The following NAV2 variants were observed in gnomAD, a reference collection of about 807,000 sequenced individuals.
NAV2 encodes the protein neuron navigator 2.
A neutral mutation model predicts 223.2 loss-of-function variants in NAV2; 54 were observed. The ratio of observed to expected loss-of-function variants is 0.24; its 90% CI spans 0.19 to 0.30. The LOEUF is 0.30. Among genes scored for constraint, NAV2 ranks in the 10% least tolerant of loss-of-function variants. The probability of loss-of-function intolerance (pLI) is 1.00; values close to 1 mark genes in which losing one functional copy is unlikely to be tolerated. For missense variants in NAV2, 2,806 were observed against 3,147.5 expected (o/e 0.89, Z 2.60); for synonymous variants, 1,279 against 1,239.3 (o/e 1.03, Z -0.67).
intron 18 of NAV2, 120 bp downstream of exon 18, chr11:20,054,360 GTA>G: frequency 1.0e-6 from 1 of 976,710 alleles, no homozygotes; most frequent in Non-Finnish European, 1.4e-6. Flanking sequence ...GGTTACATGG[GTA>G]AGTTCTTTAG....
At chr11:19,473,808 G>A (rs2042035729) in intron 1 of NAV2, among the ~76,000 whole-genome samples, 1 of 152,166 alleles carries the variant, frequency 6.6e-6, no homozygotes, top group South Asian at 2.1e-4. Context: ...TTATTCCTCA[G>A]AGCCACAAAG....
At chr11:19,582,942 C>A (rs1195342693) in intron 1 of NAV2, among the ~76,000 whole-genome samples, 1 of 152,188 alleles carries the variant, frequency 6.6e-6, no homozygotes, top group East Asian at 1.9e-4. Flanking sequence ...ATGGAGATGG[C>A]ATTGAATCTA....
intron 24 of NAV2, among the ~76,000 whole-genome samples, chr11:20,079,840 T>C (rs956612341): frequency 6.6e-6 from 1 of 152,158 alleles, no homozygotes; most frequent in African/African-American, 2.4e-5. Flanking sequence ...TTGACTTCTG[T>C]TTTGTAAAGT....
chr11:19,879,919 T>A lies in NAV2; in HGVS notation c.562T>A (p.Ser188Thr). The change falls in exon 5 of 38, where the codon TCC (serine) becomes ACC (threonine). Residue 188 changes from serine to threonine, a missense_variant. Ser to Thr is a moderately conservative substitution (Grantham distance 58, BLOSUM62 1). Transcript: ENST00000349880. The part of the protein sequence containing the change: ...KAILGLFFSL[S>T]RYKQQQQQPQ... ...CATTCTAGGCCTCTTCTTCAGCCTCTCCCGATACAAGCAGCAGCAGCAGCA... is the reference window on the plus strand; with the variant it reads ...CATTCTAGGCCTCTTCTTCAGCCTCACCCGATACAAGCAGCAGCAGCAGCA... The A allele has an allele frequency of 6.2e-7, 1 of 1,613,644 alleles. No individual in the cohort carries two copies. Among genetic ancestry groups the A allele is most frequent in the East Asian group, 2.2e-5 (1 of 44,846 alleles).
At chr11:19,406,603 C>G (rs557413976) in intron 1 of NAV2, among the ~76,000 whole-genome samples, 1 of 152,032 alleles carries the variant, frequency 6.6e-6, no homozygotes, top group Non-Finnish European at 1.5e-5. Context: ...GAGATGGGCT[C>G]ATGTCCCCGG....
At chr11:19,548,856 T>C (rs1231932478) in intron 1 of NAV2, among the ~76,000 whole-genome samples, 1 of 128,398 alleles carries the variant, frequency 7.8e-6, no homozygotes, top group African/African-American at 3.1e-5. Flanking sequence ...CCAGCCTGGG[T>C]GACACATCAG....
At chr11:20,077,511 C>T (rs1200859555) in intron 22 of NAV2, 41 bp from the exon 23 acceptor site, 2 of 1,505,180 alleles carry the variant, frequency 1.3e-6, no homozygotes, top group South Asian at 1.1e-5. Flanking sequence ...GCACTCTTGC[C>T]TTGCAAGGTA....
intron 10 of NAV2, among the ~76,000 whole-genome samples, chr11:19,952,118 A>G (rs2047446406): frequency 6.6e-6 from 1 of 152,222 alleles, no homozygotes; most frequent in Non-Finnish European, 1.5e-5. Flanking sequence ...CAAGACACTT[A>G]ATGTCTTTTC....
chr11:19,605,846 T>C (rs2046463052), intron 1 of NAV2, among the ~76,000 whole-genome samples: 1 of 152,186 alleles, frequency 6.6e-6, no homozygotes. Flanking sequence ...GATTTGGGCG[T>C]GGGTTGTGTT....
At chr11:19,725,336 A>G (rs929812679) in intron 1 of NAV2, among the ~76,000 whole-genome samples, 5 of 152,286 alleles carry the variant, frequency 3.3e-5, no homozygotes, top group Non-Finnish European at 5.9e-5. Flanking sequence ...GCTGCCGCCC[A>G]CTAAACCCAA....
intron 12 of NAV2, among the ~76,000 whole-genome samples, chr11:20,037,441 C>T (rs2056499602): frequency 6.6e-6 from 1 of 150,710 alleles, no homozygotes. Context: ...CGTTTAATGC[C>T]TGATGAAATA....
At chr11:20,081,530 C>T (rs1285701384) in intron 25 of NAV2, among the ~76,000 whole-genome samples, 1 of 152,192 alleles carries the variant, frequency 6.6e-6, no homozygotes, top group Non-Finnish European at 1.5e-5. Flanking sequence ...TTTGTAATCT[C>T]CTCTTCCACC....
At chr11:19,625,244 G>A (rs1348613080) in intron 1 of NAV2, among the ~76,000 whole-genome samples, 1 of 152,060 alleles carries the variant, frequency 6.6e-6, no homozygotes, top group African/African-American at 2.4e-5. Flanking sequence ...TTAGTCTCTA[G>A]TATCCTCTGT....
At chr11:19,426,377 A>T (rs1850828400) in intron 1 of NAV2, among the ~76,000 whole-genome samples, 2 of 152,206 alleles carry the variant, frequency 1.3e-5, no homozygotes, top group Non-Finnish European at 2.9e-5. Flanking sequence ...CTCTTCTCTG[A>T]AAATTTCTGC....
chr11:19,976,441 A>G (rs2049758684), intron 10 of NAV2, among the ~76,000 whole-genome samples: 1 of 152,164 alleles, frequency 6.6e-6, no homozygotes, highest in Non-Finnish European at 1.5e-5. Flanking sequence ...AAAGTCTGTG[A>G]CACCAGTTTT....
intron 8 of NAV2, among the ~76,000 whole-genome samples, chr11:19,942,749 C>T (rs1019976111): frequency 1.3e-5 from 2 of 152,152 alleles, no homozygotes; most frequent in African/African-American, 4.8e-5. Context: ...TTTGGGAGGC[C>T]AAGGTGAGAG....
At chr11:19,676,313 G>C (rs556591243) in intron 1 of NAV2, among the ~76,000 whole-genome samples, 26 of 152,252 alleles carry the variant, frequency 1.7e-4, no homozygotes, top group African/African-American at 5.5e-4. Context: ...CCTTCCAGCT[G>C]TGTGTCTGTG....
At chr11:19,610,726 G>GTGGATGGA (rs550994245) in intron 1 of NAV2, among the ~76,000 whole-genome samples, 1 of 151,772 alleles carries the variant, frequency 6.6e-6, no homozygotes, top group Non-Finnish European at 1.5e-5. Flanking sequence ...GGATGGATAA[G>GTGGATGGA]TGGATGGATG....
chr11:19,359,190 C>T (rs1294571427), intron 1 of NAV2, among the ~76,000 whole-genome samples: 4 of 152,186 alleles, frequency 2.6e-5, no homozygotes, highest in Admixed American at 2.6e-4. Context: ...TTTTAATTGT[C>T]TTTGATTTGG....
Sources: allele counts gnomAD v4.1 joint callset (sites outside exome capture counted in the v4.1 genomes callset), GRCh38; gene constraint gnomAD v4.1.1; transcripts MANE v1.5; gene names NCBI Gene and HGNC (gene_info 2026-07-23, HGNC 2026-07-21).